Variants in WDSUB1 observed in about 807,000 individuals in gnomAD.
WDSUB1 encodes the protein WD repeat, SAM and U-box domain-containing protein 1.
A neutral mutation model predicts 53.9 loss-of-function variants in WDSUB1; 49 were observed. The observed-to-expected ratio is 0.91, with a 90% CI of 0.72 to 1.15. WDSUB1 has a LOEUF of 1.15. Among genes scored for constraint, WDSUB1 ranks in the 50% most tolerant of loss-of-function variants. The probability of loss-of-function intolerance (pLI) is 0.00; values close to 1 mark genes in which losing one functional copy is unlikely to be tolerated. For synonymous variants in WDSUB1, 194 were observed against 200.6 expected (o/e 0.97, Z 0.28); for missense variants, 514 against 562.0 (o/e 0.91, Z 0.86).
chr2:159,247,019 T>C (rs1309683601), intron 10 of WDSUB1, among the ~76,000 whole-genome samples: 3 of 152,198 alleles, frequency 2.0e-5, no homozygotes, highest in Non-Finnish European at 4.4e-5. Flanking sequence ...CAGAAGCCTC[T>C]CAATAAATTG....
At chr2:159,266,451 G>T (rs1353680441) in intron 5 of WDSUB1, among the ~76,000 whole-genome samples, 1 of 152,192 alleles carries the variant, frequency 6.6e-6, no homozygotes, top group Non-Finnish European at 1.5e-5. Context: ...GCCTCCCAAA[G>T]TGCTGGGATT....
At chr2:159,257,080 C>T (rs961066595) in intron 8 of WDSUB1, among the ~76,000 whole-genome samples, 3 of 152,130 alleles carry the variant, frequency 2.0e-5, no homozygotes, top group Non-Finnish European at 4.4e-5. Flanking sequence ...CTCACTGCAG[C>T]CTCATGACCT....
At chr2:159,272,425 G>A (rs1174315320) in intron 4 of WDSUB1, among the ~76,000 whole-genome samples, 1 of 152,170 alleles carries the variant, frequency 6.6e-6, no homozygotes, top group Non-Finnish European at 1.5e-5. Flanking sequence ...CCTCCAGAGA[G>A]CTGCACATTG....
At chr2:159,251,835 A>T (rs539314458) in intron 9 of WDSUB1, among the ~76,000 whole-genome samples, 7 of 152,350 alleles carry the variant, frequency 4.6e-5, no homozygotes, top group African/African-American at 1.4e-4. Context: ...CTCTGACGAA[A>T]CAGAAGGTAA....
At chr2:159,280,128 T>C (rs919827701) in intron 2 of WDSUB1, among the ~76,000 whole-genome samples, 183 bp from the exon 3 acceptor site, 1 of 152,140 alleles carries the variant, frequency 6.6e-6, no homozygotes, top group African/African-American at 2.4e-5. Flanking sequence ...AGATATACTG[T>C]CTAAAAGCAA....
At chr2:159,236,604 G>A (rs1182513759) in intron 10 of WDSUB1, among the ~76,000 whole-genome samples, 1 of 152,132 alleles carries the variant, frequency 6.6e-6, no homozygotes, top group Non-Finnish European at 1.5e-5. Context: ...GGTACCCAGA[G>A]ATGACAGAAT....
chr2:159,267,406 T>G (rs2061366797), intron 5 of WDSUB1, among the ~76,000 whole-genome samples: 2 of 151,946 alleles, frequency 1.3e-5, no homozygotes, highest in Admixed American at 6.6e-5. Flanking sequence ...GCTCAGGGGA[T>G]TCTCCTGCCT....
chr2:159,251,482 G>C (rs1002804435), intron 9 of WDSUB1, among the ~76,000 whole-genome samples: 3 of 152,148 alleles, frequency 2.0e-5, no homozygotes, highest in African/African-American at 4.8e-5. Context: ...AATGAAGTCA[G>C]ATCATCTTGC....
At position 159,235,891 on chromosome 2, in the gene WDSUB1, A is replaced by G; in HGVS notation, c.*142T>C. 2.4e-6 allele frequency: 2 copies of G among 833,340 alleles called. No homozygotes were observed. 51.6% of individuals were successfully genotyped at this position (833,340 alleles called of 1,614,324 possible). A position where few individuals can be genotyped will look rare whatever the true frequency, so the allele number is the denominator to read the frequency against. ...AAGTCCATGTGTTTTTTAAAGAATG[A>G]AAATTGACAATTTTTATAGGTAACT... On this transcript the variant is annotated 3_prime_UTR_variant, in exon 11 of 11. Transcript: ENST00000359774.
At chr2:159,282,082 A>G (rs2061676263) in intron 2 of WDSUB1, among the ~76,000 whole-genome samples, 1 of 152,090 alleles carries the variant, frequency 6.6e-6, no homozygotes. Flanking sequence ...AAAAAACCAT[A>G]AAAGTCTAAC....
At chr2:159,239,357 A>C (rs2060578551) in intron 10 of WDSUB1, among the ~76,000 whole-genome samples, 1 of 145,500 alleles carries the variant, frequency 6.9e-6, no homozygotes. Flanking sequence ...TTAACTATTC[A>C]GTTATAACTT....
At chr2:159,256,115 AC>A in intron 9 of WDSUB1, 80 bp downstream of exon 9, 1 of 1,341,468 alleles carries the variant, frequency 7.5e-7, no homozygotes, top group Non-Finnish European at 1.0e-6. Flanking sequence ...TTAAGAAGAA[AC>A]CATTAATGCA....
At chr2:159,259,892 C>G (rs2061152447) in intron 5 of WDSUB1, 49 bp from the exon 6 acceptor site, 1 of 1,428,352 alleles carries the variant, frequency 7.0e-7, no homozygotes, top group Non-Finnish European at 9.4e-7. Flanking sequence ...AAACAAAGTA[C>G]AGCATTTATG....
At chr2:159,285,375 C>T (rs1236874343) in intron 1 of WDSUB1, among the ~76,000 whole-genome samples, 1 of 151,154 alleles carries the variant, frequency 6.6e-6, no homozygotes, top group Non-Finnish European at 1.5e-5. Flanking sequence ...ATTGATAATC[C>T]TTTGTCCTAG....
intron 9 of WDSUB1, among the ~76,000 whole-genome samples, chr2:159,254,250 T>C (rs1049165660): frequency 1.3e-5 from 2 of 152,228 alleles, no homozygotes; most frequent in African/African-American, 4.8e-5. Flanking sequence ...TGATCATTAA[T>C]TGAATCCTAC....
chr2:159,271,734 A>C lies in WDSUB1; in HGVS notation c.738T>G (p.Ala246=), dbSNP rs764680042. 12 of 1,614,018 alleles carry C rather than the reference A, an allele frequency of 7.4e-6. No homozygotes were observed. The highest frequency in any genetic ancestry group is 9.3e-6 in the Non-Finnish European group (11 of 1,180,006). The change falls in exon 5 of 11, where the codon GCT becomes GCG. Residue 246 remains alanine (A), a synonymous_variant. Coordinates refer to ENST00000359774, the MANE Select transcript of WDSUB1 (RefSeq NM_001128212.3). ...CTAGCATCTGCCCATCATGGGAAAAAGCACAAGCCAGAACAGGAGCACAGT... is the reference window on the plus strand; with the variant it reads ...CTAGCATCTGCCCATCATGGGAAAACGCACAAGCCAGAACAGGAGCACAGT... ...SGHCAPVLAC[A]FSHDGQMLVS...
rs1437816509 is a variant in WDSUB1, at chr2:159,257,993, A to G, written c.805-8T>C. The G allele has an allele frequency of 6.2e-7, 1 of 1,611,746 alleles. No individual in the cohort carries two copies. The highest frequency in any genetic ancestry group is 8.5e-7 in the Non-Finnish European group (1 of 1,179,384). On this transcript the variant is annotated splice_polypyrimidine_tract_variant and splice_region_variant and intron_variant, in intron 6 of 10. Transcript: ENST00000359774. ...AAGTATATTCTCAGTATTCTGAAAAACAATAAAAACAGCTTTAAATTTACT... is the reference window on the plus strand; with the variant it reads ...AAGTATATTCTCAGTATTCTGAAAAGCAATAAAAACAGCTTTAAATTTACT...
intron 5 of WDSUB1, among the ~76,000 whole-genome samples, chr2:159,260,241 G>T (rs1314900033): frequency 6.6e-6 from 1 of 152,100 alleles, no homozygotes; most frequent in African/African-American, 2.4e-5. Flanking sequence ...GGAGGTGGAG[G>T]TTACAATGAG....
intron 1 of WDSUB1, among the ~76,000 whole-genome samples, chr2:159,283,898 C>A (rs2061731283): frequency 6.6e-6 from 1 of 152,166 alleles, no homozygotes; most frequent in Non-Finnish European, 1.5e-5. Context: ...CACTGCAACT[C>A]CCGCCTCGCG....
Sources: gnomAD v4.1 joint callset for allele counts (sites outside exome capture counted in the v4.1 genomes callset) on GRCh38, gnomAD v4.1.1 for gene constraint, MANE v1.5 for transcripts, NCBI Gene and HGNC (gene_info 2026-07-23, HGNC 2026-07-21) for gene names.